ABL1: variants seen among roughly 807,000 people sequenced by gnomAD.
The protein encoded by ABL1 is tyrosine-protein kinase ABL1.
A neutral mutation model predicts 94.7 loss-of-function variants in ABL1; 11 were observed. The ratio of observed to expected loss-of-function variants is 0.12; its 90% CI spans 0.07 to 0.19. The LOEUF is 0.19. Among genes scored for constraint, ABL1 ranks in the 10% least tolerant of loss-of-function variants. The pLI, the probability that ABL1 is intolerant of heterozygous loss-of-function variation, is 1.00. For missense variants in ABL1, 1,082 were observed against 1,489.4 expected (o/e 0.73, Z 4.50); for synonymous variants, 656 against 622.4 (o/e 1.05, Z -0.80).
intron 1 of ABL1, among the ~76,000 whole-genome samples, chr9:130,852,017 G>A (rs1830875257): frequency 6.6e-6 from 1 of 151,922 alleles, no homozygotes; most frequent in South Asian, 2.1e-4. Context: ...GACCTCAGGT[G>A]ATCTGCCCAC....
At chr9:130,868,520 C>CTT (rs71389371) in intron 4 of ABL1, among the ~76,000 whole-genome samples, 65 of 112,100 alleles carry the variant, frequency 5.8e-4, no homozygotes, top group East Asian at 1.0e-3. Context: ...TTTTCTTTTT[C>CTT]TTTTTTTTTT....
intron 1 of ABL1, among the ~76,000 whole-genome samples, chr9:130,778,326 A>G (rs1368866165): frequency 1.3e-5 from 2 of 151,234 alleles, no homozygotes; most frequent in Admixed American, 6.6e-5. Context: ...AGTACTTTCT[A>G]GACTGTGAGC....
At chr9:130,808,432 T>TG (rs552846008) in intron 1 of ABL1, among the ~76,000 whole-genome samples, 1,683 of 151,916 alleles carry the variant, frequency 0.011, 44 homozygotes, top group African/African-American at 0.04. Context: ...TTAGTAGAGA[T>TG]GGGGTTTCAC....
In ABL1 at chr9:130,885,320, GTC is replaced by G. The variant is rs1564324672; in HGVS notation, c.3034_3035del (p.Leu1012SerfsTer33). On this transcript the variant is annotated frameshift_variant, in exon 11 of 11. Transcript: ENST00000318560. LOFTEE classifies it high-confidence loss of function. ...AFIPLISTRV[S>X]LRKTRQPPER... The stretch of plus-strand genomic sequence containing the variant: ...TCATCCCTCTCATATCAACCCGAGT[GTC>G]TCTTCGGAAAACCCGCCAGCCTCCA... 1 of 1,613,636 alleles carries G rather than the reference GTC, an allele frequency of 6.2e-7. No homozygotes were observed. Among genetic ancestry groups the G allele is most frequent in the Admixed American group, 1.7e-5 (1 of 60,032 alleles).
At chr9:130,824,447 A>G (rs1409138528) in intron 1 of ABL1, among the ~76,000 whole-genome samples, 2 of 152,186 alleles carry the variant, frequency 1.3e-5, no homozygotes. Flanking sequence ...ACCAATTCAA[A>G]TGCTAGTCTC....
chr9:130,805,726 A>G (rs1830116617), intron 1 of ABL1, among the ~76,000 whole-genome samples: 1 of 152,178 alleles, frequency 6.6e-6, no homozygotes, highest in Non-Finnish European at 1.5e-5. Flanking sequence ...GAGTCAGTTC[A>G]GCTGGTTTCA....
intron 1 of ABL1, among the ~76,000 whole-genome samples, chr9:130,850,004 G>A (rs1830831453): frequency 6.6e-6 from 1 of 152,080 alleles, no homozygotes; most frequent in Non-Finnish European, 1.5e-5. Flanking sequence ...TGACTGACTT[G>A]CTAAATTGAC....
intron 1 of ABL1, among the ~76,000 whole-genome samples, chr9:130,846,788 C>T (rs1169345871): frequency 2.0e-5 from 3 of 152,224 alleles, no homozygotes; most frequent in Non-Finnish European, 2.9e-5. Context: ...ACCAGCAGCC[C>T]CTGGAAGTCT....
chr9:130,796,728 T>A (rs1048071728), intron 1 of ABL1, among the ~76,000 whole-genome samples: 2 of 150,252 alleles, frequency 1.3e-5, no homozygotes, highest in Non-Finnish European at 3.0e-5. Flanking sequence ...AAAAAATAAA[T>A]AAATAAACAA....
chr9:130,870,528 C>A (rs73656063), intron 4 of ABL1, among the ~76,000 whole-genome samples: 5,517 of 152,286 alleles, frequency 0.036, 174 homozygotes, highest in African/African-American at 0.07. Context: ...CATTGAATCC[C>A]CGGATACTGG....
rs1179613987 is a variant in ABL1 at position 130,880,051 on chromosome 9, G to T, written c.1424-17G>T. 6 of 1,612,382 alleles carry T rather than the reference G, an allele frequency of 3.7e-6. No individual in the cohort carries two copies. The highest frequency in any genetic ancestry group is 1.7e-4 in the Middle Eastern group (1 of 6,060). On this transcript the variant is annotated splice_polypyrimidine_tract_variant and intron_variant, in intron 8 of 10. Coordinates refer to ENST00000318560, the MANE Select transcript of ABL1 (RefSeq NM_005157.6). The surrounding 1 kb of genome is among the most constrained non-coding windows in gnomAD (Gnocchi z 4.4). ...CCAGATCTCATGGATGATCTGACTT[G>T]GGTTTCATCTGTCCAGGTTGGCAGT...
intron 1 of ABL1, among the ~76,000 whole-genome samples, chr9:130,734,137 G>A (rs1320358801): frequency 6.6e-6 from 1 of 152,032 alleles, no homozygotes; most frequent in Non-Finnish European, 1.5e-5. Context: ...TGAAATGAGT[G>A]GGGTCTAGCT....
chr9:130,771,901 G>A (rs1211254424), intron 1 of ABL1, among the ~76,000 whole-genome samples: 2 of 151,790 alleles, frequency 1.3e-5, no homozygotes, highest in African/African-American at 2.4e-5. Flanking sequence ...CTACAGGCAC[G>A]TGCCACCACG....
chr9:130,770,435 A>G (rs1042004016), intron 1 of ABL1, among the ~76,000 whole-genome samples: 5 of 152,148 alleles, frequency 3.3e-5, no homozygotes, highest in Non-Finnish European at 7.4e-5. Flanking sequence ...TGAGCCCAGG[A>G]GTTTGAGGTG....
At chr9:130,750,644 C>CTTTTTTTTTTTTTTTTTTTTTTTTT (rs71389345) in intron 1 of ABL1, among the ~76,000 whole-genome samples, 1 of 87,284 alleles carries the variant, frequency 1.1e-5, no homozygotes, top group South Asian at 4.3e-4. Flanking sequence ...CTTTTTCTTT[C>CTTTTTTTTTTTTTTTTTTTTTTTTT]TTTTTTTTTT....
chr9:130,725,501 C>T (rs1332748358), intron 1 of ABL1, among the ~76,000 whole-genome samples: 1 of 152,126 alleles, frequency 6.6e-6, no homozygotes, highest in Middle Eastern at 3.2e-3. Flanking sequence ...CTGCCTCACC[C>T]TCCCAAGTAG....
At chr9:130,713,550 C>T (rs1831397992) in exon 1 of ABL1, among the ~76,000 whole-genome samples, 1 of 152,176 alleles carries the variant, frequency 6.6e-6, no homozygotes, top group Admixed American at 6.5e-5. Flanking sequence ...CCATTCAAAT[C>T]CCTCCCTTGC....
chr9:130,822,804 C>CTT (rs1222567163), intron 1 of ABL1, among the ~76,000 whole-genome samples: 2 of 147,846 alleles, frequency 1.4e-5, no homozygotes, highest in African/African-American at 5.0e-5. Flanking sequence ...GGTACAAGTT[C>CTT]TTTTTTTTTT....
intron 1 of ABL1, among the ~76,000 whole-genome samples, chr9:130,823,454 A>G (rs1328148134): frequency 6.6e-6 from 1 of 152,208 alleles, no homozygotes; most frequent in Non-Finnish European, 1.5e-5. Context: ...CCAAAATAGG[A>G]GCAATTCAAA....
Sources: gnomAD v4.1 joint callset for allele counts (sites outside exome capture counted in the v4.1 genomes callset) on GRCh38, gnomAD v4.1.1 for gene constraint, Gnocchi (gnomAD v3.1) non-coding constraint, MANE v1.5 for transcripts, NCBI Gene and HGNC (gene_info 2026-07-23, HGNC 2026-07-21) for gene names.